MOXD1: variants seen among roughly 807,000 people sequenced by gnomAD.
The protein encoded by MOXD1 is DBH-like monooxygenase protein 1.
MOXD1 carries 62 observed loss-of-function variants against 66.6 expected under a neutral mutation model. That is an observed-to-expected ratio of 0.93 (90% CI 0.76 to 1.15). The LOEUF (loss-of-function observed/expected upper bound fraction) is 1.15, where lower values mean the gene tolerates loss of function less well. Among genes scored for constraint, MOXD1 ranks in the 50% most tolerant of loss-of-function variants. The pLI, the probability that MOXD1 is intolerant of heterozygous loss-of-function variation, is 0.00. For synonymous variants in MOXD1, 303 were observed against 281.9 expected (o/e 1.07, Z -0.75); for missense variants, 847 against 754.6 (o/e 1.12, Z -1.44).
At chr6:132,368,716 T>G (rs9493296) in intron 4 of MOXD1, among the ~76,000 whole-genome samples, 1 of 152,096 alleles carries the variant, frequency 6.6e-6, no homozygotes, top group African/African-American at 2.4e-5. Context: ...ATTTAGTCAT[T>G]CTTATCAAAC....
At chr6:132,359,962 G>A (rs927867471) in intron 4 of MOXD1, among the ~76,000 whole-genome samples, 4 of 152,170 alleles carry the variant, frequency 2.6e-5, no homozygotes, top group Admixed American at 6.5e-5. Context: ...CATTTATCCT[G>A]ACAACAAGTA....
intron 1 of MOXD1, among the ~76,000 whole-genome samples, chr6:132,386,948 C>T (rs1336430543): frequency 1.3e-4 from 19 of 151,314 alleles, no homozygotes; most frequent in African/African-American, 3.4e-4. Context: ...CAAGACTGTA[C>T]ACTACAACGC....
At chr6:132,367,734 A>T (rs1776175976) in intron 4 of MOXD1, among the ~76,000 whole-genome samples, 1 of 152,104 alleles carries the variant, frequency 6.6e-6, no homozygotes, top group African/African-American at 2.4e-5. Context: ...CTCCTGTTTG[A>T]TCCTTAATGT....
rs566064234 is a variant in MOXD1 at position 132,304,753 on chromosome 6, G to T, written c.1509-6798C>A. Among the ~76,000 whole-genome samples, 6 of 152,224 alleles carry T rather than the reference G, an allele frequency of 3.9e-5. No homozygotes were observed. The South Asian group carries it at 1.2e-3, about 32-fold the overall frequency. On this transcript the variant is annotated intron_variant, in intron 10 of 11. Transcript: ENST00000367963. ...CCAATAAACATGTGAAAGAGGCTCA[G>T]TATCATTAGTCACAAGGAAAATGGA...
intron 10 of MOXD1, among the ~76,000 whole-genome samples, chr6:132,312,137 T>C (rs1182655029): frequency 1.3e-5 from 2 of 152,024 alleles, no homozygotes; most frequent in African/African-American, 4.8e-5. Flanking sequence ...TCCTTAAGAC[T>C]TGCCAGATCT....
intron 1 of MOXD1, chr6:132,392,164 A>G (rs1776779353): frequency 6.5e-7 from 1 of 1,543,626 alleles, no homozygotes; most frequent in African/African-American, 1.4e-5. Context: ...ATCGTTAACC[A>G]CAAAGAATGC....
chr6:132,345,964 A>T (rs1775661431), intron 4 of MOXD1, among the ~76,000 whole-genome samples: 6 of 152,038 alleles, frequency 3.9e-5, no homozygotes, highest in Admixed American at 3.9e-4. Context: ...TCTGTATCAA[A>T]CATTTTCTGT....
At chr6:132,359,842 T>TA (rs1352379386) in intron 4 of MOXD1, among the ~76,000 whole-genome samples, 1 of 152,232 alleles carries the variant, frequency 6.6e-6, no homozygotes, top group Non-Finnish European at 1.5e-5. Flanking sequence ...ATACTCAAGA[T>TA]AAAATTAGTG....
intron 1 of MOXD1, among the ~76,000 whole-genome samples, chr6:132,382,244 G>A (rs961355094): frequency 6.6e-5 from 10 of 151,990 alleles, no homozygotes; most frequent in African/African-American, 2.4e-4. Context: ...AGGATTCAGA[G>A]AATCATGATT....
Position 132,401,215 on chromosome 6 carries a change from G to T in MOXD1, c.212C>A (p.Ala71Glu). The change falls in exon 1 of 12, where the codon GCG becomes GAG. Residue 71 changes from alanine to glutamate, a missense_variant. Coordinates refer to ENST00000367963, the MANE Select transcript of MOXD1 (RefSeq NM_015529.4). ...CCCGCCCACGACGATGTCGGCGGAC[G>T]CCATGGCCCCGGTGGGCGAGAAGCC... ...GFGFSPTGAM[A>E]SADIVVGGVA... The T allele has an allele frequency of 1.3e-6, 2 of 1,567,180 alleles. No homozygotes were observed. Among genetic ancestry groups the T allele is most frequent in the Non-Finnish European group, 1.7e-6 (2 of 1,164,770 alleles).
At position 132,323,980 on chromosome 6, in the gene MOXD1, A is replaced by T; in HGVS notation, c.1064T>A (p.Met355Lys). Residue 355 changes from methionine to lysine, a missense_variant, in exon 7 of 12, where the codon ATG becomes AAG. Met to Lys is a moderately conservative substitution (Grantham distance 95). Coordinates refer to ENST00000367963, the MANE Select transcript of MOXD1 (RefSeq NM_015529.4). ...VSLFHTIPPGMPEFQSEGHCT... is the reference protein window; with the variant it reads ...VSLFHTIPPGKPEFQSEGHCT... ...GTGACCCTCAGACTGGAACTCAGGCATCCCTGGAGGGATGGTATGGAAGAG... is the reference window on the plus strand; with the variant it reads ...GTGACCCTCAGACTGGAACTCAGGCTTCCCTGGAGGGATGGTATGGAAGAG... The T allele has an allele frequency of 6.2e-7, 1 of 1,613,796 alleles. No homozygotes were observed. The highest frequency in any genetic ancestry group is 8.5e-7 in the Non-Finnish European group (1 of 1,179,920).
chr6:132,399,522 T>C (rs1400479397), intron 1 of MOXD1, among the ~76,000 whole-genome samples: 1 of 152,238 alleles, frequency 6.6e-6, no homozygotes, highest in Non-Finnish European at 1.5e-5. Flanking sequence ...CACTGTAGTT[T>C]AACCAAGTTT....
chr6:132,360,516 A>G (rs866271164), intron 4 of MOXD1, among the ~76,000 whole-genome samples: 6 of 152,128 alleles, frequency 3.9e-5, no homozygotes, highest in East Asian at 3.9e-4. Context: ...ACTTCCACCT[A>G]CCTAAAATTC....
chr6:132,318,482 C>A (rs1459576730), intron 9 of MOXD1, among the ~76,000 whole-genome samples: 1 of 151,926 alleles, frequency 6.6e-6, no homozygotes, highest in African/African-American at 2.4e-5. Context: ...GTTGTTATTT[C>A]TTTGAAATGC....
Position 132,328,117 on chromosome 6 carries a change from T to C in MOXD1, c.844-2A>G, listed in dbSNP as rs1249236823. The C allele has an allele frequency of 1.2e-6, 2 of 1,610,356 alleles. No individual in the cohort carries two copies. The highest frequency in any genetic ancestry group is 1.7e-6 in the Non-Finnish European group (2 of 1,176,798). On this transcript the variant is annotated splice_acceptor_variant, in intron 5 of 11. Transcript: ENST00000367963. LOFTEE classifies it high-confidence loss of function. ...AACATGAGGTGGATAAGAAAAGCCC[T>C]AAATATGGAAAATGCCATGAGACAA...
At chr6:132,392,229 C>G in intron 1 of MOXD1, 6 of 1,600,666 alleles carry the variant, frequency 3.7e-6, no homozygotes, top group East Asian at 2.2e-5. Flanking sequence ...GCAAGTGGCC[C>G]GGCAGCAATT....
chr6:132,331,521 T>A (rs1271222012), intron 4 of MOXD1, among the ~76,000 whole-genome samples: 1 of 151,978 alleles, frequency 6.6e-6, no homozygotes, highest in Non-Finnish European at 1.5e-5. Flanking sequence ...TCATAGGAAG[T>A]GCTAAAACTA....
chr6:132,301,177 C>T (rs1774527204), intron 10 of MOXD1, among the ~76,000 whole-genome samples: 1 of 142,486 alleles, frequency 7.0e-6, no homozygotes, highest in Non-Finnish European at 1.5e-5. Flanking sequence ...TCTCTCCATA[C>T]ATACATGTAA....
intron 4 of MOXD1, among the ~76,000 whole-genome samples, chr6:132,332,895 C>T (rs1366563713): frequency 1.3e-5 from 2 of 152,214 alleles, no homozygotes; most frequent in Non-Finnish European, 2.9e-5. Context: ...CACAGAGCTC[C>T]ATGCCCCTTC....
Sources: allele counts gnomAD v4.1 joint callset (sites outside exome capture counted in the v4.1 genomes callset), GRCh38; gene constraint gnomAD v4.1.1; transcripts MANE v1.5; gene names NCBI Gene and HGNC (gene_info 2026-07-23, HGNC 2026-07-21).